The following MFNG variants were observed in gnomAD, a reference collection of about 807,000 sequenced individuals.
MFNG encodes beta-1,3-N-acetylglucosaminyltransferase manic fringe.
Under a neutral mutation model 34.2 loss-of-function variants are expected in MFNG, and 24 were observed. The observed-to-expected ratio is 0.70, with a 90% CI of 0.51 to 0.99. MFNG has a LOEUF of 0.99. Ranked by LOEUF, MFNG falls within the 50% of genes least tolerant of loss-of-function variation. The pLI is 0.00. For synonymous variants in MFNG, 158 were observed against 179.2 expected (o/e 0.88, Z 0.94); for missense variants, 383 against 424.0 (o/e 0.90, Z 0.85).
intron 1 of MFNG, among the ~76,000 whole-genome samples, chr22:37,481,875 C>A (rs963656799): frequency 3.6e-4 from 55 of 152,250 alleles, no homozygotes; most frequent in African/African-American, 1.3e-3. Context: ...CCTCTGCTTA[C>A]CTAAAATCCC....
In MFNG at chr22:37,479,480, G is replaced by A. The variant is rs148692414; in HGVS notation, c.426C>T (p.Asp142=). Reference sequence around the variant, plus strand: ...CCCTTGGGTTCACATAGTTGTCATCGTCCACATGGCAGAACCACCTGTAGG... The same window carrying A: ...CCCTTGGGTTCACATAGTTGTCATCATCCACATGGCAGAACCACCTGTAGG... ...ASGLRWFCHV[D]DDNYVNPRAL... is the part of the protein sequence containing the mutation. The change falls in exon 4 of 8, where the codon GAC becomes GAT. Residue 142 remains aspartate (D), a synonymous_variant. Transcript: ENST00000356998. 5.3e-5 allele frequency: 86 copies of A among 1,610,454 alleles called. No individual in the cohort carries two copies. Among genetic ancestry groups the A allele is most frequent in the East Asian group, 2.7e-4 (12 of 44,470 alleles).
In MFNG at chr22:37,469,330, A is replaced by T. The variant is rs938545373; in HGVS notation, c.*633T>A. ...AAGAAAGGCTGGGAAATGAGCAAAAAGGATCATCACAATTGGCTGGGACCC... is the reference window on the plus strand; with the variant it reads ...AAGAAAGGCTGGGAAATGAGCAAAATGGATCATCACAATTGGCTGGGACCC... On this transcript the variant is annotated 3_prime_UTR_variant, in exon 8 of 8. Transcript: ENST00000356998. The T allele has an allele frequency of 1.8e-5, 3 of 165,396 alleles. No individual in the cohort carries two copies. Among genetic ancestry groups the T allele is most frequent in the African/African-American group, 7.2e-5 (3 of 41,620 alleles). The allele number at this position is 165,396 out of a possible 1,614,324, so 10.2% of individuals were successfully genotyped here.
In MFNG at chr22:37,485,077, G is replaced by A. The variant is rs561223037; in HGVS notation, c.255+846C>T. On this transcript the variant is annotated intron_variant, in intron 1 of 7. Transcript: ENST00000356998. This position sits in a 1 kb window ranked among gnomAD's most constrained non-coding sequence, Gnocchi z 5.3. ...TGCTTAAGGAAGATACTGGATGCGA[G>A]GAGGGAAAGGGCTGGAAGGGACTTG... 1.6e-3 allele frequency among the ~76,000 whole-genome samples: 239 copies of A among 152,280 alleles called. 1 individual carries two copies. Among genetic ancestry groups the A allele is most frequent in the African/African-American group, 5.6e-3 (231 of 41,554 alleles).
intron 4 of MFNG, 132 bp downstream of exon 4, chr22:37,479,213 G>T: frequency 1.0e-6 from 1 of 992,186 alleles, no homozygotes; most frequent in Non-Finnish European, 1.4e-6. Flanking sequence ...GAAGCTACCA[G>T]CCCAAACCCA....
rs142613307 is a variant in MFNG at position 37,480,050 on chromosome 22, G to A, written c.407+147C>T. The A allele has an allele frequency of 2.3e-5, 13 of 569,966 alleles. 1 individual carries two copies. Among genetic ancestry groups the A allele is most frequent in the Middle Eastern group, 2.8e-4 (1 of 3,626 alleles). The allele number at this position is 569,966 out of a possible 1,614,324, so 35.3% of individuals were successfully genotyped here. A position where few individuals can be genotyped will look rare whatever the true frequency, so the allele number is the denominator to read the frequency against. On this transcript the variant is annotated intron_variant, in intron 3 of 7. Transcript: ENST00000356998. ...CAAGGTCACATACCCAATCCTGAAT[G>A]TCAGGACTGGAACCCAGCTGGACTT... is the stretch of plus-strand genomic sequence containing the variant.
chr22:37,480,906 G>T (rs1358726385), intron 1 of MFNG, 137 bp from the exon 2 acceptor site: 1 of 724,140 alleles, frequency 1.4e-6, no homozygotes, highest in Non-Finnish European at 2.4e-6. Flanking sequence ...ATGGTCACAC[G>T]CTCCTTTAGG....
chr22:37,480,343 C>A (rs777850174), intron 2 of MFNG, 44 bp from the exon 3 acceptor site: 10 of 1,434,562 alleles, frequency 7.0e-6, no homozygotes, highest in Admixed American at 1.7e-5. Context: ...CCAGGTCCCC[C>A]CTTCAGAGCC....
chr22:37,473,114 C>G (rs1422558896), intron 6 of MFNG, among the ~76,000 whole-genome samples: 1 of 152,116 alleles, frequency 6.6e-6, no homozygotes, highest in Non-Finnish European at 1.5e-5. Flanking sequence ...TAGTACTGAC[C>G]TCATGTGACT....
chr22:37,471,520 C>T (rs966161600), intron 7 of MFNG, among the ~76,000 whole-genome samples: 11 of 152,116 alleles, frequency 7.2e-5, no homozygotes, highest in African/African-American at 2.7e-4. Flanking sequence ...CATCCCGCCA[C>T]CCCTGGCCAG....
intron 3 of MFNG, among the ~76,000 whole-genome samples, chr22:37,479,742 G>A (rs538296011): frequency 6.6e-6 from 1 of 152,272 alleles, no homozygotes; most frequent in East Asian, 1.9e-4. Context: ...GGTGGCTCAC[G>A]CCTGTAAGCC....
intron 2 of MFNG, 163 bp from the exon 3 acceptor site, chr22:37,480,462 A>G: frequency 1.5e-6 from 1 of 663,808 alleles, no homozygotes; most frequent in East Asian, 2.7e-5. Context: ...AGACCTGCCC[A>G]GGACCACAGA....
intron 6 of MFNG, 110 bp from the exon 7 acceptor site, chr22:37,472,638 C>A (rs530881675): frequency 9.2e-7 from 1 of 1,090,058 alleles, no homozygotes; most frequent in South Asian, 1.5e-5. Flanking sequence ...GAAAGCTGCC[C>A]GGGAACCTGA....
Position 37,469,888 on chromosome 22 carries a change from G to A in MFNG, c.*75C>T, listed in dbSNP as rs1198579551. ...CTGCCTATCACAAGACACTTGCCAG[G>A]GACCCACAGTGCCACCTTGGGAGCC... is the stretch of plus-strand genomic sequence containing the variant. On this transcript the variant is annotated 3_prime_UTR_variant, in exon 8 of 8. Transcript: ENST00000356998. The A allele has an allele frequency of 8.3e-7, 1 of 1,207,420 alleles. No homozygotes were observed. Among genetic ancestry groups the A allele is most frequent in the East Asian group, 2.5e-5 (1 of 39,440 alleles). The allele number at this position is 1,207,420 out of a possible 1,614,324, so 74.8% of individuals were successfully genotyped here.
Position 37,469,198 on chromosome 22 carries a change from T to A in MFNG, c.*765A>T, listed in dbSNP as rs543529693. The A allele has an allele frequency of 6.5e-6, 1 of 153,442 alleles. No homozygotes were observed. The highest frequency in any genetic ancestry group is 2.1e-4 in the South Asian group (1 of 4,858). 9.5% of individuals were successfully genotyped at this position (153,442 alleles called of 1,614,324 possible). A position where few individuals can be genotyped will look rare whatever the true frequency, so the allele number is the denominator to read the frequency against. ...GATCCAGCCATCACACCCACATTTA[T>A]AGCAGGAAGATGGGGAGTGGGCTGC... is the stretch of plus-strand genomic sequence containing the variant. On this transcript the variant is annotated 3_prime_UTR_variant, in exon 8 of 8. Coordinates refer to ENST00000356998, the MANE Select transcript of MFNG (RefSeq NM_002405.4).
chr22:37,479,229 G>T, intron 4 of MFNG, 116 bp downstream of exon 4: 1 of 1,228,664 alleles, frequency 8.1e-7, no homozygotes, highest in Non-Finnish European at 1.1e-6. Flanking sequence ...ACCCACATAG[G>T]GCCAAACCTG....
chr22:37,480,999 C>T (rs1922268308), intron 1 of MFNG: 1 of 558,026 alleles, frequency 1.8e-6, no homozygotes, highest in Non-Finnish European at 3.2e-6. Context: ...CACATACACT[C>T]ACCCCCTTTC....
chr22:37,470,483 AT>A (rs1180719076), intron 7 of MFNG, among the ~76,000 whole-genome samples: 15 of 152,208 alleles, frequency 9.9e-5, no homozygotes, highest in African/African-American at 3.4e-4. Flanking sequence ...CTTTGAGGAA[AT>A]TTAACAGCAA....
chr22:37,474,740 A>C (rs928577053), intron 5 of MFNG, 63 bp from the exon 6 acceptor site: 2 of 1,511,460 alleles, frequency 1.3e-6, no homozygotes, highest in Non-Finnish European at 1.8e-6. Flanking sequence ...GCCGTGGGCC[A>C]CCCCATGAAG....
intron 1 of MFNG, among the ~76,000 whole-genome samples, chr22:37,484,026 C>G (rs1306009240): frequency 6.6e-6 from 1 of 152,214 alleles, no homozygotes; most frequent in Non-Finnish European, 1.5e-5. Flanking sequence ...AACAAAGGGA[C>G]ACGCAGCCTG....
Sources: gnomAD v4.1 joint callset for allele counts (sites outside exome capture counted in the v4.1 genomes callset) on GRCh38, gnomAD v4.1.1 for gene constraint, Gnocchi (gnomAD v3.1) non-coding constraint, MANE v1.5 for transcripts, NCBI Gene and HGNC (gene_info 2026-07-23, HGNC 2026-07-21) for gene names.